EMILIN2: variants seen among roughly 807,000 people sequenced by gnomAD.
The protein encoded by EMILIN2 is elastin microfibril interfacer 2.
Under a neutral mutation model 87.1 loss-of-function variants are expected in EMILIN2, and 71 were observed. The ratio of observed to expected loss-of-function variants is 0.82; its 90% CI spans 0.67 to 0.99. The LOEUF (loss-of-function observed/expected upper bound fraction) is 0.99. Ranked by LOEUF, EMILIN2 falls within the 50% of genes least tolerant of loss-of-function variation. The probability of loss-of-function intolerance (pLI) is 0.00; values close to 1 mark genes in which losing one functional copy is unlikely to be tolerated. For missense variants in EMILIN2, 1,407 were observed against 1,371.8 expected (o/e 1.03, Z -0.40); for synonymous variants, 581 against 563.4 (o/e 1.03, Z -0.44).
At chr18:2,871,296 C>T (rs1166108719) in intron 2 of EMILIN2, among the ~76,000 whole-genome samples, 2 of 152,152 alleles carry the variant, frequency 1.3e-5, no homozygotes, top group African/African-American at 2.4e-5. Context: ...AGCCTGGCCT[C>T]GAACTCCTGG....
intron 2 of EMILIN2, among the ~76,000 whole-genome samples, chr18:2,875,413 G>A (rs2076742493): frequency 6.6e-6 from 1 of 152,206 alleles, no homozygotes; most frequent in Non-Finnish European, 1.5e-5. Flanking sequence ...TCTGCCTCCA[G>A]GAATGAGGAA....
At chr18:2,912,835 AGGCATTCTTAGGCCCAT>A (rs2076947613) in intron 7 of EMILIN2, among the ~76,000 whole-genome samples, 1 of 152,132 alleles carries the variant, frequency 6.6e-6, no homozygotes, top group Non-Finnish European at 1.5e-5. Context: ...TGCCTCCAAG[AGGCATTCTTAGGCCCAT>A]GGCAAAAAGT....
chr18:2,913,215 A>G lies in EMILIN2; in HGVS notation c.2973A>G (p.Glu991=), dbSNP rs370981222. 10 of 1,613,840 alleles carry G rather than the reference A, an allele frequency of 6.2e-6. No homozygotes were observed. The highest frequency in any genetic ancestry group is 1.3e-5 in the African/African-American group (1 of 74,888). Residue 991 remains glutamate (E), a synonymous_variant, in exon 8 of 8, where the codon GAA becomes GAG. Coordinates refer to ENST00000254528, the MANE Select transcript of EMILIN2 (RefSeq NM_032048.3). Reference sequence around the variant, plus strand: ...CTGGGTACAGGAGAGAGTTCCTGGAATACCACCGCCCTCCAGGAGCTTTGC... The same window carrying G: ...CTGGGTACAGGAGAGAGTTCCTGGAGTACCACCGCCCTCCAGGAGCTTTGC... ...HTAGYRREFL[E]YHRPPGALHT...
intron 2 of EMILIN2, among the ~76,000 whole-genome samples, chr18:2,867,324 GTTAT>G (rs747752781): frequency 5.9e-5 from 9 of 151,812 alleles, no homozygotes; most frequent in East Asian, 2.0e-4. Flanking sequence ...GACAATAGTA[GTTAT>G]TTATTTTGTT....
intron 2 of EMILIN2, among the ~76,000 whole-genome samples, chr18:2,868,265 A>G (rs1403511309): frequency 1.3e-5 from 2 of 151,568 alleles, no homozygotes; most frequent in African/African-American, 4.9e-5. Context: ...GACGCTCCTC[A>G]CTTCCTAGAT....
At chr18:2,893,163 A>G (rs1483797937) in intron 4 of EMILIN2, among the ~76,000 whole-genome samples, 2 of 152,222 alleles carry the variant, frequency 1.3e-5, no homozygotes, top group African/African-American at 2.4e-5. Context: ...TTCTTCCCAC[A>G]GATGGATAGC....
At chr18:2,856,751 GA>G (rs1237992335) in intron 2 of EMILIN2, among the ~76,000 whole-genome samples, 1 of 152,144 alleles carries the variant, frequency 6.6e-6, no homozygotes. Flanking sequence ...CATCCTTGAT[GA>G]AGTAGTTTTC....
At chr18:2,877,525 C>T (rs2076755514) in intron 2 of EMILIN2, among the ~76,000 whole-genome samples, 2 of 150,884 alleles carry the variant, frequency 1.3e-5, no homozygotes. Context: ...GGCCTGTTAT[C>T]CCAACACTTT....
At chr18:2,882,391 C>T (rs915966052) in intron 2 of EMILIN2, among the ~76,000 whole-genome samples, 22 of 152,156 alleles carry the variant, frequency 1.4e-4, no homozygotes, top group Admixed American at 7.2e-4. Flanking sequence ...GAGACCCAGG[C>T]GTGGGTATTT....
chr18:2,879,553 AGGGAGGCTGAGGCAG>A (rs2076766373), intron 2 of EMILIN2, among the ~76,000 whole-genome samples: 2 of 151,772 alleles, frequency 1.3e-5, no homozygotes, highest in South Asian at 4.2e-4. Flanking sequence ...CCCAGCTACT[AGGGAGGCTGAGGCAG>A]GAGAATCGCT....
intron 2 of EMILIN2, among the ~76,000 whole-genome samples, chr18:2,851,552 T>G (rs2076601875): frequency 6.6e-6 from 1 of 152,030 alleles, no homozygotes. Flanking sequence ...GAGGTACTCA[T>G]TTAAATAACA....
intron 4 of EMILIN2, chr18:2,906,227 C>T (rs1012588966): frequency 3.9e-5 from 6 of 152,356 alleles, no homozygotes; most frequent in Admixed American, 2.0e-4. Flanking sequence ...GGGAGACGCA[C>T]GCCAGGAGCT....
At chr18:2,893,998 C>T (rs760896036) in intron 4 of EMILIN2, among the ~76,000 whole-genome samples, 7 of 152,192 alleles carry the variant, frequency 4.6e-5, no homozygotes, top group Non-Finnish European at 1.0e-4. Context: ...TGACCTCCCC[C>T]TCCCTGTTTT....
At chr18:2,862,524 A>G (rs1433782211) in intron 2 of EMILIN2, among the ~76,000 whole-genome samples, 1 of 152,074 alleles carries the variant, frequency 6.6e-6, no homozygotes, top group East Asian at 1.9e-4. Context: ...GATTATGTTT[A>G]TTGATTTGCA....
chr18:2,892,210 G>A lies in EMILIN2; in HGVS notation c.2083G>A (p.Val695Ile), dbSNP rs748059548. The change falls in exon 4 of 8, where the codon GTC (valine) becomes ATC (isoleucine). Residue 695 changes from valine (V) to isoleucine (I), a missense_variant. Physicochemically the swap from Val to Ile is conservative, Grantham distance 29. Transcript: ENST00000254528. ...LDACKECTQG[V>I]QREVSMVEGR... is the part of the protein sequence containing the mutation. ...TGCTTGTAAGGAATGCACGCAGGGG[G>A]TCCAGAGGGAGGTCTCCATGGTGGA... is the stretch of plus-strand genomic sequence containing the variant. 1.9e-6 allele frequency: 3 copies of A among 1,609,038 alleles called. No homozygotes were observed. The highest frequency in any genetic ancestry group is 1.7e-5 in the Admixed American group (1 of 59,852).
Position 2,907,038 on chromosome 18 carries a change from C to G in EMILIN2, c.2615C>G (p.Thr872Ser). ...CTGCCGCGGGGCGTGGACGGCCAGA[C>G]CGGGAGCGGCACCGTCCCCGGCGCA... ...RGLPRGVDGQ[T>S]GSGTVPGAEG... The change falls in exon 5 of 8, where the codon ACC (threonine) becomes AGC (serine). Residue 872 changes from threonine to serine, a missense_variant. Transcript: ENST00000254528. 1 of 1,289,996 alleles carries G rather than the reference C, an allele frequency of 7.8e-7. No homozygotes were observed. The highest frequency in any genetic ancestry group is 9.8e-7 in the Non-Finnish European group (1 of 1,023,526). 79.9% of individuals were successfully genotyped at this position (1,289,996 alleles called of 1,614,324 possible).
intron 2 of EMILIN2, among the ~76,000 whole-genome samples, chr18:2,853,354 G>A (rs1377531499): frequency 2.6e-5 from 4 of 152,106 alleles, no homozygotes; most frequent in Non-Finnish European, 4.4e-5. Context: ...TCAGTGTGGT[G>A]GACGCAGCCT....
intron 4 of EMILIN2, among the ~76,000 whole-genome samples, chr18:2,903,031 G>T (rs1428062057): frequency 6.6e-6 from 1 of 152,114 alleles, no homozygotes; most frequent in Non-Finnish European, 1.5e-5. Context: ...GAGGGTTGAA[G>T]GACAGAGGAA....
intron 2 of EMILIN2, among the ~76,000 whole-genome samples, chr18:2,884,128 T>C (rs1264613025): frequency 6.6e-6 from 1 of 152,110 alleles, no homozygotes; most frequent in Non-Finnish European, 1.5e-5. Context: ...GCTAATGTTT[T>C]TGTATTTTTA....
Sources: allele counts gnomAD v4.1 joint callset (sites outside exome capture counted in the v4.1 genomes callset), GRCh38; gene constraint gnomAD v4.1.1; transcripts MANE v1.5; gene names NCBI Gene and HGNC (gene_info 2026-07-23, HGNC 2026-07-21).